DMD: variants seen among roughly 807,000 people sequenced by gnomAD.
The protein encoded by DMD is mutant dystrophin.
In DMD, 63 loss-of-function variants were observed where a neutral mutation model predicts 330.1. The observed-to-expected ratio is 0.19, with a 90% CI of 0.16 to 0.24. The LOEUF (loss-of-function observed/expected upper bound fraction) is 0.24, where lower values mean the gene tolerates loss of function less well. DMD is among the 10% of genes least tolerant of loss of function. DMD has a pLI of 1.00. For synonymous variants in DMD, 1,223 were observed against 959.8 expected, an observed-to-expected ratio of 1.27 and a Z score of -5.07; for missense variants, 3,344 against 2,684.1, an observed-to-expected ratio of 1.25 and a Z score of -5.43.
chrX:32,109,517 T>G (rs991302952), intron 44 of DMD, among the ~76,000 whole-genome samples: 1 of 109,566 alleles, frequency 9.1e-6, no homozygotes, highest in Non-Finnish European at 1.9e-5. Flanking sequence ...ATAGGTAATA[T>G]CATACAAAAT....
intron 2 of DMD, among the ~76,000 whole-genome samples, chrX:32,850,315 G>C (rs964373138): frequency 2.7e-5 from 3 of 111,867 alleles, no homozygotes; most frequent in East Asian, 2.8e-4. Flanking sequence ...TCTCATACTG[G>C]ATAACTCAAA....
At chrX:32,237,924 C>A (rs1215215015) in intron 43 of DMD, among the ~76,000 whole-genome samples, 1 of 111,813 alleles carries the variant, frequency 8.9e-6, no homozygotes, top group Non-Finnish European at 1.9e-5. Context: ...CTTATTATTG[C>A]AGCATAACAA....
chrX:31,676,216 G>A (rs1056494660), intron 53 of DMD, among the ~76,000 whole-genome samples: 1 of 111,846 alleles, frequency 8.9e-6, no homozygotes, highest in Non-Finnish European at 1.9e-5. Flanking sequence ...CGGAGCAAGG[G>A]GGTGTTGCTT....
At chrX:31,820,208 T>C (rs1380469545) in intron 49 of DMD, 125 bp from the exon 50 acceptor site, 13 of 580,192 alleles carry the variant, frequency 2.2e-5, no homozygotes, top group Non-Finnish European at 3.0e-5. Flanking sequence ...AAATTAACTT[T>C]AGTGGGTAGA....
intron 51 of DMD, among the ~76,000 whole-genome samples, chrX:31,762,335 C>CT (rs35955507): frequency 0.12 from 13,756 of 111,161 alleles, 684 homozygotes; most frequent in East Asian, 0.26. Flanking sequence ...CTTTGGGAGG[C>CT]TGAGGCAGGC....
intron 59 of DMD, among the ~76,000 whole-genome samples, chrX:31,474,727 T>A (rs747137175): frequency 0.013 from 1,233 of 92,709 alleles, 21 homozygotes; most frequent in East Asian, 0.036. Flanking sequence ...TAAAATAAAA[T>A]AAAATAAAAT....
chrX:32,596,537 T>A (rs1485493220), intron 12 of DMD, among the ~76,000 whole-genome samples: 2 of 55,517 alleles, frequency 3.6e-5, no homozygotes, highest in Admixed American at 2.1e-4. Flanking sequence ...TATGTGCTAC[T>A]TTTTTTATTT....
intron 48 of DMD, among the ~76,000 whole-genome samples, chrX:31,847,076 A>G (rs1385538472): frequency 9.0e-6 from 1 of 111,451 alleles, no homozygotes; most frequent in African/African-American, 3.3e-5. Flanking sequence ...TCCCTGTTCA[A>G]GTCACCAAAA....
chrX:32,493,061 G>T (rs181771094), intron 19 of DMD, among the ~76,000 whole-genome samples: 1 of 111,722 alleles, frequency 9.0e-6, no homozygotes, highest in Non-Finnish European at 1.9e-5. Context: ...TCTGAAGAAC[G>T]TCTCTAGAAA....
chrX:33,241,411 T>C (rs1350934949), intron 1 of DMD, among the ~76,000 whole-genome samples: 1 of 112,101 alleles, frequency 8.9e-6, no homozygotes, highest in Non-Finnish European at 1.9e-5. Flanking sequence ...CATTGGTCTA[T>C]GTGTCTGTTT....
intron 16 of DMD, among the ~76,000 whole-genome samples, chrX:32,561,544 G>A (rs1462720084): frequency 8.9e-6 from 1 of 111,799 alleles, no homozygotes. Context: ...TGGGGAACCT[G>A]AAAGAGACGG....
chrX:32,128,747 G>T (rs1434737775), intron 44 of DMD, among the ~76,000 whole-genome samples: 1 of 111,788 alleles, frequency 8.9e-6, no homozygotes, highest in Non-Finnish European at 1.9e-5. Flanking sequence ...TATCACATAA[G>T]GAAAATATGT....
chrX:32,654,753 A>T (rs2060432589), intron 9 of DMD, among the ~76,000 whole-genome samples: 1 of 111,670 alleles, frequency 9.0e-6, no homozygotes, highest in African/African-American at 3.3e-5. Context: ...TACCTCTGGT[A>T]GAATTCGGCT....
At chrX:33,202,865 G>C (rs999218184) in intron 1 of DMD, among the ~76,000 whole-genome samples, 1 of 111,656 alleles carries the variant, frequency 9.0e-6, no homozygotes, top group African/African-American at 3.2e-5. Flanking sequence ...AAAAAGCAAA[G>C]AGAACATAGG....
chrX:33,211,404 A>G lies in DMD; in HGVS notation c.-92T>C. 8.5e-7 allele frequency: 1 copy of G among 1,172,863 alleles called. No individual in the cohort carries two copies. The highest frequency in any genetic ancestry group is 1.1e-6 in the Non-Finnish European group (1 of 875,506). Reference sequence around the variant, plus strand: ...CCAGTAGGCTTAAAAACAATGAGAAACCAACAAACTTCAGCAGCTTTAAAA... The same window carrying G: ...CCAGTAGGCTTAAAAACAATGAGAAGCCAACAAACTTCAGCAGCTTTAAAA... On this transcript the variant is annotated 5_prime_UTR_variant, in exon 1 of 79. Transcript: ENST00000357033.
chrX:33,007,125 C>T (rs186296848), intron 2 of DMD, among the ~76,000 whole-genome samples: 1 of 111,001 alleles, frequency 9.0e-6, no homozygotes, highest in Non-Finnish European at 1.9e-5. Context: ...TTCTAACTTA[C>T]ATTATTTCTG....
chrX:31,894,896 A>G (rs1334589397), intron 47 of DMD, among the ~76,000 whole-genome samples: 1 of 109,650 alleles, frequency 9.1e-6, no homozygotes, highest in Non-Finnish European at 1.9e-5. Flanking sequence ...ATATTTTTAC[A>G]GGTGAAGCAT....
At chrX:31,663,222 G>GT (rs1454515745) in intron 53 of DMD, among the ~76,000 whole-genome samples, 9 of 111,833 alleles carry the variant, frequency 8.0e-5, no homozygotes, top group Non-Finnish European at 1.5e-4. Flanking sequence ...TGCTCCCTCT[G>GT]TAATTCCATT....
intron 1 of DMD, among the ~76,000 whole-genome samples, chrX:33,082,969 T>C (rs766893984): frequency 2.7e-5 from 3 of 111,935 alleles, no homozygotes; most frequent in Non-Finnish European, 5.6e-5. Flanking sequence ...AAGATTAGTC[T>C]CACAAATCCT....
Sources: allele counts gnomAD v4.1 joint callset (sites outside exome capture counted in the v4.1 genomes callset), GRCh38; gene constraint gnomAD v4.1.1; transcripts MANE v1.5; gene names NCBI Gene and HGNC (gene_info 2026-07-23, HGNC 2026-07-21).